The following PIK3C2B variants were observed in gnomAD, a reference collection of about 807,000 sequenced individuals.
PIK3C2B encodes phosphatidylinositol-4-phosphate 3-kinase catalytic subunit type 2 beta.
PIK3C2B carries 83 observed loss-of-function variants against 184.3 expected under a neutral mutation model. The ratio of observed to expected loss-of-function variants is 0.45; its 90% CI spans 0.38 to 0.54. The LOEUF is 0.54. PIK3C2B is among the 20% of genes least tolerant of loss of function. The pLI is 0.00. For synonymous variants in PIK3C2B, 779 were observed against 837.6 expected (o/e 0.93, Z 1.21); for missense variants, 1,736 against 2,113.5 (o/e 0.82, Z 3.50).
intron 1 of PIK3C2B, among the ~76,000 whole-genome samples, chr1:204,475,557 A>G (rs773526618): frequency 5.3e-5 from 8 of 152,240 alleles, no homozygotes; most frequent in Middle Eastern, 3.4e-3. Context: ...TCCTTCAGAC[A>G]CAGGACTGGG....
intron 8 of PIK3C2B, among the ~76,000 whole-genome samples, chr1:204,458,159 A>T: frequency 6.6e-6 from 1 of 152,120 alleles, no homozygotes; most frequent in South Asian, 2.1e-4. Flanking sequence ...TACTTATACT[A>T]TACACATATA....
At chr1:204,425,308 G>C (rs1298013075) in intron 32 of PIK3C2B, among the ~76,000 whole-genome samples, 1 of 152,132 alleles carries the variant, frequency 6.6e-6, no homozygotes, top group African/African-American at 2.4e-5. Flanking sequence ...GGACCAGCAG[G>C]CTTCTCCTTC....
chr1:204,449,234 G>T lies in PIK3C2B; in HGVS notation c.2297C>A (p.Ala766Asp), dbSNP rs373911703. ...LWPATQENPS[A>D]RWSAPNFHQP... Reference sequence around the variant, plus strand: ...GTGGAAATTAGGTGCACTCCAACGGGCGCTGGGATTTTCCTGTGTTGCTGG... The same window carrying T: ...GTGGAAATTAGGTGCACTCCAACGGTCGCTGGGATTTTCCTGTGTTGCTGG... Residue 766 changes from alanine (A) to aspartate (D), a missense_variant, in exon 14 of 33, where the codon GCC becomes GAC. This residue lies in a region of PIK3C2B where 609 missense variants were observed against 699.2 expected (regional missense o/e 0.87). Transcript: ENST00000684373. 6 of 1,613,054 alleles carry T rather than the reference G, an allele frequency of 3.7e-6. No individual in the cohort carries two copies. In the African/African-American group the frequency reaches 6.7e-5, roughly 18 times the overall value.
intron 1 of PIK3C2B, among the ~76,000 whole-genome samples, chr1:204,473,201 G>A (rs1452515255): frequency 6.6e-6 from 1 of 152,204 alleles, no homozygotes; most frequent in African/African-American, 2.4e-5. Context: ...GCCCTCCCAG[G>A]ACCCTGGTAC....
At chr1:204,443,077 T>C (rs930771617) in intron 19 of PIK3C2B, among the ~76,000 whole-genome samples, 1 of 152,254 alleles carries the variant, frequency 6.6e-6, no homozygotes, top group African/African-American at 2.4e-5. Context: ...GCCTGAGCCA[T>C]GGGTCACAGC....
intron 22 of PIK3C2B, among the ~76,000 whole-genome samples, 161 bp downstream of exon 22, chr1:204,440,031 T>TC (rs35627670): frequency 0.93 from 141,091 of 152,246 alleles, 66,371 homozygotes; most frequent in East Asian, 1. Context: ...TATAACAGTC[T>TC]TCTCCCATGC....
intron 30 of PIK3C2B, 79 bp downstream of exon 30, chr1:204,428,060 G>A: frequency 1.3e-6 from 1 of 797,076 alleles, no homozygotes; most frequent in East Asian, 2.5e-5. Context: ...AGAGAACTGA[G>A]AAGAGGTTGG....
rs1297404383 is a variant in PIK3C2B at position 204,460,640 on chromosome 1, A to G, written c.1332T>C (p.His444=). The change falls in exon 6 of 33, where the codon CAT becomes CAC. Residue 444 remains histidine, a synonymous_variant. Coordinates refer to ENST00000684373, the MANE Select transcript of PIK3C2B (RefSeq NM_001377334.1). ...FLQNKHALGS[H]EYIQYCRKFD... is the part of the protein sequence containing the mutation. ...ACTTGCGGCAGTATTGGATGTACTC[A>G]TGACTGCCCAAGGCATGCTTGCTGG... The G allele has an allele frequency of 1.9e-6, 3 of 1,612,916 alleles. No homozygotes were observed. The highest frequency in any genetic ancestry group is 4.5e-5 in the East Asian group (2 of 44,870).
intron 12 of PIK3C2B, among the ~76,000 whole-genome samples, chr1:204,451,778 A>T (rs1303664220): frequency 6.6e-6 from 1 of 152,222 alleles, no homozygotes; most frequent in African/African-American, 2.4e-5. Flanking sequence ...TTTCATGCGC[A>T]CGTATCCCCA....
At chr1:204,439,800 A>G (rs1425391201) in intron 22 of PIK3C2B, among the ~76,000 whole-genome samples, 29 of 152,126 alleles carry the variant, frequency 1.9e-4, no homozygotes, top group Admixed American at 1.9e-3. Flanking sequence ...AGGCCTGGCT[A>G]ATTTTTTATA....
At chr1:204,476,764 T>C (rs1424500038) in intron 1 of PIK3C2B, among the ~76,000 whole-genome samples, 1 of 152,094 alleles carries the variant, frequency 6.6e-6, no homozygotes, top group Non-Finnish European at 1.5e-5. Context: ...ACCCCACACA[T>C]TGTATTCTAT....
At chr1:204,443,973 G>A in intron 18 of PIK3C2B, 95 bp downstream of exon 18, 1 of 880,998 alleles carries the variant, frequency 1.1e-6, no homozygotes, top group Non-Finnish European at 1.9e-6. Flanking sequence ...CTGAAGCCCG[G>A]ACAACTCAGT....
chr1:204,463,024 G>T (rs1244398853), intron 5 of PIK3C2B, among the ~76,000 whole-genome samples: 5 of 152,168 alleles, frequency 3.3e-5, no homozygotes, highest in African/African-American at 9.7e-5. Context: ...TGGCGCCACA[G>T]CACTCCAGCC....
At chr1:204,477,883 A>G (rs981706257) in intron 1 of PIK3C2B, among the ~76,000 whole-genome samples, 1 of 152,234 alleles carries the variant, frequency 6.6e-6, no homozygotes, top group East Asian at 1.9e-4. Context: ...GGAGCTTACA[A>G]TCTAGCAAAG....
At chr1:204,472,890 G>A (rs1415669545) in intron 1 of PIK3C2B, among the ~76,000 whole-genome samples, 1 of 152,188 alleles carries the variant, frequency 6.6e-6, no homozygotes, top group East Asian at 1.9e-4. Flanking sequence ...CTAATGTGTA[G>A]CCCAACCTCA....
At chr1:204,445,898 G>T in intron 16 of PIK3C2B, 58 bp downstream of exon 16, 1 of 1,240,620 alleles carries the variant, frequency 8.1e-7, no homozygotes, top group South Asian at 1.9e-5. Context: ...GATGGGCAGT[G>T]TCGTGCCCTG....
At chr1:204,426,429 C>T (rs1240837948) in intron 31 of PIK3C2B, among the ~76,000 whole-genome samples, 1 of 152,162 alleles carries the variant, frequency 6.6e-6, no homozygotes, top group African/African-American at 2.4e-5. Context: ...GGAAAGTCTG[C>T]CCTCAGATGC....
chr1:204,492,692 C>T (rs1658084202), intron 1 of PIK3C2B, among the ~76,000 whole-genome samples: 1 of 152,172 alleles, frequency 6.6e-6, no homozygotes, highest in South Asian at 2.1e-4. Flanking sequence ...CAGCCCAAGT[C>T]CCCAGATAAA....
chr1:204,461,706 C>T (rs56006999), intron 5 of PIK3C2B, among the ~76,000 whole-genome samples: 25,298 of 151,970 alleles, frequency 0.17, 2,499 homozygotes, highest in East Asian at 0.4. Context: ...GAAGTGCAGC[C>T]AAAACCTGGA....
Sources: allele counts gnomAD v4.1 joint callset (sites outside exome capture counted in the v4.1 genomes callset), GRCh38; gene constraint gnomAD v4.1.1; regional missense constraint gnomAD v4.1.1; transcripts MANE v1.5; gene names NCBI Gene and HGNC (gene_info 2026-07-23, HGNC 2026-07-21).